KRAS: variants seen among roughly 807,000 people sequenced by gnomAD.
KRAS encodes the protein KRas proto-oncogene, GTPase.
Under a neutral mutation model 21.0 loss-of-function variants are expected in KRAS, and 1 was observed. That is an observed-to-expected ratio of 0.05 (90% CI 0.02 to 0.23). The LOEUF (loss-of-function observed/expected upper bound fraction) is 0.23, where lower values mean the gene tolerates loss of function less well. Among genes scored for constraint, KRAS ranks in the 10% least tolerant of loss-of-function variants. The probability of loss-of-function intolerance (pLI) is 1.00; values close to 1 mark genes in which losing one functional copy is unlikely to be tolerated. For missense variants in KRAS, 107 were observed against 221.8 expected (o/e 0.48, Z 3.29); for synonymous variants, 67 against 72.5 (o/e 0.92, Z 0.39).
chr12:25,217,289 C>A (rs1951266544), intron 4 of KRAS, among the ~76,000 whole-genome samples: 1 of 152,156 alleles, frequency 6.6e-6, no homozygotes, highest in Non-Finnish European at 1.5e-5. Flanking sequence ...TTCTTTAGGG[C>A]ACACTAATTT....
intron 3 of KRAS, among the ~76,000 whole-genome samples, chr12:25,226,949 TAA>T (rs1266257825): frequency 6.6e-6 from 1 of 152,170 alleles, no homozygotes; most frequent in Non-Finnish European, 1.5e-5. Flanking sequence ...CTAAAAAGTT[TAA>T]AGTCTTGCTT....
At chr12:25,244,806 C>T (rs953919583) in intron 2 of KRAS, among the ~76,000 whole-genome samples, 2 of 151,930 alleles carry the variant, frequency 1.3e-5, no homozygotes, top group Non-Finnish European at 2.9e-5. Flanking sequence ...TAAAATTTAT[C>T]CGGTAGTTGT....
rs886049176 is a variant in KRAS, at chr12:25,205,273, C to T, written c.*4522G>A. ...CACTGTAACTATTTTTATTACATTACAATAATTAGGAGTAGTACAGTTCAT... is the reference window on the plus strand; with the variant it reads ...CACTGTAACTATTTTTATTACATTATAATAATTAGGAGTAGTACAGTTCAT... On this transcript the variant is annotated 3_prime_UTR_variant, in exon 5 of 5. Coordinates refer to ENST00000311936, the MANE Select transcript of KRAS (RefSeq NM_004985.5). 9.3e-6 allele frequency: 2 copies of T among 214,552 alleles called. No individual in the cohort carries two copies. The highest frequency in any genetic ancestry group is 2.3e-5 in the African/African-American group (1 of 44,278). 13.3% of individuals were successfully genotyped at this position (214,552 alleles called of 1,614,324 possible). A position where few individuals can be genotyped will look rare whatever the true frequency, so the allele number is the denominator to read the frequency against.
At chr12:25,234,139 A>G (rs924471075) in intron 2 of KRAS, 1 of 170,302 alleles carries the variant, frequency 5.9e-6, no homozygotes, top group Non-Finnish European at 1.3e-5. Flanking sequence ...TTTAAATTAC[A>G]ATATATATTA....
chr12:25,232,060 G>A (rs1951480228), intron 2 of KRAS, among the ~76,000 whole-genome samples: 1 of 152,014 alleles, frequency 6.6e-6, no homozygotes, highest in Non-Finnish European at 1.5e-5. Flanking sequence ...TGAAAAGTCA[G>A]CCCTCCATAT....
At position 25,227,137 on chromosome 12, in the gene KRAS, T is replaced by A. The variant is rs11836509; in HGVS notation, c.290+97A>T. On this transcript the variant is annotated intron_variant, in intron 3 of 4. Coordinates refer to ENST00000311936, the MANE Select transcript of KRAS (RefSeq NM_004985.5). Reference sequence around the variant, plus strand: ...CCTCATAAACATTATTTAAAAATTTTTATTAAATATTATATGCATGGCATT... The same window carrying A: ...CCTCATAAACATTATTTAAAAATTTATATTAAATATTATATGCATGGCATT... The A allele has an allele frequency of 4.0e-3, 3,136 of 786,218 alleles. 14 individuals are homozygous for A. The highest frequency in any genetic ancestry group is 5.7e-3 in the Middle Eastern group (15 of 2,630). The allele number at this position is 786,218 out of a possible 1,614,324, so 48.7% of individuals were successfully genotyped here.
intron 1 of KRAS, among the ~76,000 whole-genome samples, chr12:25,246,914 C>CAA (rs60777057): frequency 0.073 from 10,328 of 142,410 alleles, 602 homozygotes; most frequent in African/African-American, 0.17. Context: ...CACTCCGTCT[C>CAA]AAAAAAAAAA....
chr12:25,207,467 T>C lies in KRAS; in HGVS notation c.*2328A>G, dbSNP rs1166628487. Reference sequence around the variant, plus strand: ...AGATGGAGGTTGCAGTGAGCTGAGATGGCGCCACTGCATTCCAGCCTGGGT... The same window carrying C: ...AGATGGAGGTTGCAGTGAGCTGAGACGGCGCCACTGCATTCCAGCCTGGGT... On this transcript the variant is annotated 3_prime_UTR_variant, in exon 5 of 5. Transcript: ENST00000311936. The C allele has an allele frequency of 1.0e-5, 2 of 192,480 alleles. No homozygotes were observed. Among genetic ancestry groups the C allele is most frequent in the Non-Finnish European group, 2.2e-5 (2 of 92,560 alleles). The allele number at this position is 192,480 out of a possible 1,614,324, so 11.9% of individuals were successfully genotyped here.
At chr12:25,215,032 C>G (rs117496205) in intron 4 of KRAS, 5,333 of 166,624 alleles carry the variant, frequency 0.032, 156 homozygotes, top group Non-Finnish European at 0.045. Flanking sequence ...CTTTTTCCCA[C>G]CTTCTGGGCC....
At position 25,229,946 on chromosome 12, in the gene KRAS, G is replaced by GT. The variant is rs200429595; in HGVS notation, c.112-2535dup. 4.4e-3 allele frequency among the ~76,000 whole-genome samples: 667 copies of GT among 151,810 alleles called. 8 individuals carry two copies. In the East Asian group the frequency reaches 0.045, roughly 10 times the overall value. Reference sequence around the variant, plus strand: ...ACCACGCCCGGCTAATTTTTGTACTGTTTTTTTAGTAGAGATGGGGTTTCA... The same window carrying GT: ...ACCACGCCCGGCTAATTTTTGTACTGTTTTTTTTAGTAGAGATGGGGTTTCA... On this transcript the variant is annotated intron_variant, in intron 2 of 4. Transcript: ENST00000311936.
intron 2 of KRAS, among the ~76,000 whole-genome samples, chr12:25,239,479 T>C (rs1475917795): frequency 6.6e-6 from 1 of 152,230 alleles, no homozygotes; most frequent in Non-Finnish European, 1.5e-5. Context: ...AACCTAAAGT[T>C]AAATCACTCA....
At chr12:25,244,691 A>G (rs1348495398) in intron 2 of KRAS, among the ~76,000 whole-genome samples, 3 of 152,124 alleles carry the variant, frequency 2.0e-5, no homozygotes, top group African/African-American at 7.2e-5. Context: ...TTTTTTTTAA[A>G]TCCTAGTATT....
In KRAS at chr12:25,205,444, A is replaced by G. The variant is rs1951125429; in HGVS notation, c.*4351T>C. The G allele has an allele frequency of 4.7e-6, 1 of 214,634 alleles. No individual in the cohort carries two copies. Among genetic ancestry groups the G allele is most frequent in the Non-Finnish European group, 9.4e-6 (1 of 106,162 alleles). 13.3% of individuals were successfully genotyped at this position (214,634 alleles called of 1,614,324 possible). On this transcript the variant is annotated 3_prime_UTR_variant, in exon 5 of 5. Transcript: ENST00000311936. Reference sequence around the variant, plus strand: ...CAGCGCAACCAAATGATGGAAAACAACTGGATCACACTGCATATGTCCCAC... The same window carrying G: ...CAGCGCAACCAAATGATGGAAAACAGCTGGATCACACTGCATATGTCCCAC...
At position 25,209,087 on chromosome 12, in the gene KRAS, G is replaced by T; in HGVS notation, c.*708C>A. On this transcript the variant is annotated 3_prime_UTR_variant, in exon 5 of 5. Coordinates refer to ENST00000311936, the MANE Select transcript of KRAS (RefSeq NM_004985.5). ...TTTCATACTGGGTCTGCCTTAACAG[G>T]AAAAGCTATTAGGAGTCTTTATAGT... The T allele has an allele frequency of 2.3e-6, 1 of 438,190 alleles. No homozygotes were observed. The highest frequency in any genetic ancestry group is 7.0e-5 in the South Asian group (1 of 14,322). The allele number at this position is 438,190 out of a possible 1,614,324, so 27.1% of individuals were successfully genotyped here. A position where few individuals can be genotyped will look rare whatever the true frequency, so the allele number is the denominator to read the frequency against.
intron 4 of KRAS, among the ~76,000 whole-genome samples, chr12:25,214,994 C>G (rs1179002573): frequency 1.3e-5 from 2 of 150,068 alleles, no homozygotes; most frequent in Non-Finnish European, 3.0e-5. Context: ...TGTAAAATAT[C>G]CAAAAGAAAA....
chr12:25,205,723 G>A lies in KRAS; in HGVS notation c.*4072C>T, dbSNP rs1247345839. The A allele has an allele frequency of 2.2e-5, 4 of 183,760 alleles. No individual in the cohort carries two copies. Among genetic ancestry groups the A allele is most frequent in the Non-Finnish European group, 4.3e-5 (4 of 92,256 alleles). The allele number at this position is 183,760 out of a possible 1,614,324, so 11.4% of individuals were successfully genotyped here. On this transcript the variant is annotated 3_prime_UTR_variant, in exon 5 of 5. Transcript: ENST00000311936. ...GAGATGGGCCCTCAACATATCTGCA[G>A]ATAACTTTTTTTTCCCCTAAATTCA... is the stretch of plus-strand genomic sequence containing the variant.
At chr12:25,234,051 T>C (rs1951512469) in intron 2 of KRAS, 2 of 184,488 alleles carry the variant, frequency 1.1e-5, no homozygotes, top group East Asian at 8.8e-5. Context: ...TTAAAATCTA[T>C]GTTTCAATGT....
At chr12:25,231,521 G>A (rs1173737810) in intron 2 of KRAS, among the ~76,000 whole-genome samples, 1 of 152,128 alleles carries the variant, frequency 6.6e-6, no homozygotes, top group Non-Finnish European at 1.5e-5. Context: ...AGTAGTTTAT[G>A]TACATATTTC....
chr12:25,230,586 C>G (rs899424876), intron 2 of KRAS, among the ~76,000 whole-genome samples: 3 of 152,158 alleles, frequency 2.0e-5, no homozygotes, highest in African/African-American at 7.2e-5. Context: ...TGAGATTGTG[C>G]CATTGCACTC....
Sources: gnomAD v4.1 joint callset for allele counts (sites outside exome capture counted in the v4.1 genomes callset) on GRCh38, gnomAD v4.1.1 for gene constraint, MANE v1.5 for transcripts, NCBI Gene and HGNC (gene_info 2026-07-23, HGNC 2026-07-21) for gene names.